POLR3B: variants seen among roughly 807,000 people sequenced by gnomAD.
POLR3B encodes DNA-directed RNA polymerase III subunit RPC2.
Under a neutral mutation model 147.4 loss-of-function variants are expected in POLR3B, and 96 were observed. The observed-to-expected ratio is 0.65, with a 90% confidence interval of 0.55 to 0.77. POLR3B has a LOEUF of 0.77. Among genes scored for constraint, POLR3B ranks in the 30% least tolerant of loss-of-function variants. POLR3B has a pLI of 0.00. For synonymous variants in POLR3B, 461 were observed against 485.9 expected, an observed-to-expected ratio of 0.95 and a Z score of 0.67; for missense variants, 1,036 against 1,413.5, an observed-to-expected ratio of 0.73 and a Z score of 4.28.
In POLR3B at chr12:106,366,498, CTCTT is replaced by C. The variant is rs748769049; in HGVS notation, c.106-14_106-11del. The C allele has an allele frequency of 1.3e-6, 2 of 1,582,736 alleles. No individual in the cohort carries two copies. Among genetic ancestry groups the C allele is most frequent in the Admixed American group, 1.7e-5 (1 of 59,948 alleles). On this transcript the variant is annotated splice_polypyrimidine_tract_variant and intron_variant, in intron 2 of 27. Coordinates refer to ENST00000228347, the MANE Select transcript of POLR3B (RefSeq NM_018082.6). The stretch of plus-strand genomic sequence containing the variant: ...GCACTTTTGCTAACCTGTTTACTTT[CTCTT>C]TCTATCTGTTTAGGTGAAAGGCCTT...
chr12:106,464,345 T>C (rs2037978511), intron 23 of POLR3B, among the ~76,000 whole-genome samples: 1 of 152,234 alleles, frequency 6.6e-6, no homozygotes, highest in African/African-American at 2.4e-5. Context: ...GCACTAACTG[T>C]GTGCCTGGCT....
At chr12:106,398,824 C>A (rs2037018557) in intron 10 of POLR3B, among the ~76,000 whole-genome samples, 1 of 152,126 alleles carries the variant, frequency 6.6e-6, no homozygotes, top group African/African-American at 2.4e-5. Context: ...ACATCAAAAA[C>A]CCATCTGTAC....
chr12:106,494,781 C>T (rs147934763), intron 23 of POLR3B, among the ~76,000 whole-genome samples: 145 of 152,270 alleles, frequency 9.5e-4, no homozygotes, highest in African/African-American at 3.3e-3. Flanking sequence ...TTATAATAAA[C>T]AATACCATTT....
intron 16 of POLR3B, among the ~76,000 whole-genome samples, chr12:106,436,153 CTCT>C (rs1371763475): frequency 1.3e-5 from 2 of 152,312 alleles, no homozygotes; most frequent in South Asian, 2.1e-4. Flanking sequence ...TGTGCAGCTC[CTCT>C]TCTTAACTGT....
chr12:106,394,840 C>T (rs955073320), intron 10 of POLR3B, among the ~76,000 whole-genome samples: 2 of 152,100 alleles, frequency 1.3e-5, no homozygotes, highest in African/African-American at 4.8e-5. Flanking sequence ...ACTCTGTGTG[C>T]AGGATTAAGG....
intron 1 of POLR3B, among the ~76,000 whole-genome samples, chr12:106,361,576 A>G (rs938042192): frequency 1.3e-5 from 2 of 152,142 alleles, no homozygotes; most frequent in Non-Finnish European, 2.9e-5. Context: ...GGAGTCTTTT[A>G]TGTGCCAGGC....
intron 1 of POLR3B, 179 bp downstream of exon 1, chr12:106,358,130 G>C (rs2036415044): frequency 6.8e-7 from 1 of 1,472,412 alleles, no homozygotes; most frequent in African/African-American, 1.5e-5. Context: ...CTCCGCGTGC[G>C]CGAGTGAAGG....
At chr12:106,399,239 G>A (rs1015309323) in intron 10 of POLR3B, among the ~76,000 whole-genome samples, 2 of 152,140 alleles carry the variant, frequency 1.3e-5, no homozygotes, top group Non-Finnish European at 2.9e-5. Context: ...GATGGAAGAC[G>A]AAATGAATGA....
At chr12:106,487,337 A>C (rs1397681151) in intron 23 of POLR3B, among the ~76,000 whole-genome samples, 4 of 152,176 alleles carry the variant, frequency 2.6e-5, no homozygotes, top group Admixed American at 1.3e-4. Flanking sequence ...TTAGTTTTTA[A>C]TCCTGAGATG....
chr12:106,436,633 G>T (rs2037580309), intron 16 of POLR3B, among the ~76,000 whole-genome samples: 1 of 152,198 alleles, frequency 6.6e-6, no homozygotes, highest in Non-Finnish European at 1.5e-5. Context: ...TCCATGAGTA[G>T]TATGCAAAAT....
Position 106,449,155 on chromosome 12 carries a change from TAA to T in POLR3B, c.2083+4566_2083+4567del, listed in dbSNP as rs1458789804. On this transcript the variant is annotated intron_variant, in intron 19 of 27. Coordinates refer to ENST00000228347, the MANE Select transcript of POLR3B (RefSeq NM_018082.6). ...CCCAAGTCTAAACACGAAATCCGTT[TAA>T]GTTTCATATACACTTTATACGCATA... 2.6e-5 allele frequency among the ~76,000 whole-genome samples: 4 copies of T among 152,340 alleles called. No homozygotes were observed. The East Asian group carries it at 7.7e-4, about 29-fold the overall frequency.
intron 10 of POLR3B, among the ~76,000 whole-genome samples, chr12:106,403,884 C>G (rs1275509426): frequency 2.6e-5 from 4 of 151,484 alleles, no homozygotes; most frequent in Non-Finnish European, 4.4e-5. Flanking sequence ...ATGGGTGCAG[C>G]ACACCAACAT....
At chr12:106,436,182 A>G (rs1449423319) in intron 16 of POLR3B, among the ~76,000 whole-genome samples, 1 of 152,176 alleles carries the variant, frequency 6.6e-6, no homozygotes, top group Non-Finnish European at 1.5e-5. Flanking sequence ...AGTGCTCATT[A>G]GTCCTCAAAT....
chr12:106,365,872 A>C (rs1164271710), intron 2 of POLR3B, among the ~76,000 whole-genome samples: 3 of 145,964 alleles, frequency 2.1e-5, no homozygotes, highest in African/African-American at 7.4e-5. Context: ...AAAAAAAAAA[A>C]ATTTTTTTTT....
intron 23 of POLR3B, among the ~76,000 whole-genome samples, chr12:106,484,350 T>A (rs983930586): frequency 1.3e-5 from 2 of 152,152 alleles, no homozygotes; most frequent in African/African-American, 4.8e-5. Flanking sequence ...GTTGATTAAT[T>A]CATCCATTTA....
intron 10 of POLR3B, among the ~76,000 whole-genome samples, chr12:106,393,647 A>T (rs2036944501): frequency 6.6e-6 from 1 of 151,924 alleles, no homozygotes; most frequent in Admixed American, 6.6e-5. Flanking sequence ...TGCTTTGGAC[A>T]GCAAGGAAAA....
chr12:106,402,777 T>C (rs2037087254), intron 10 of POLR3B, among the ~76,000 whole-genome samples: 1 of 152,150 alleles, frequency 6.6e-6, no homozygotes, highest in Admixed American at 6.5e-5. Flanking sequence ...TGAAACTGGA[T>C]CCCTTCCTTA....
chr12:106,477,891 C>CTTTT (rs34915594), intron 23 of POLR3B, among the ~76,000 whole-genome samples: 1,933 of 70,446 alleles, frequency 0.027, 301 homozygotes, highest in East Asian at 0.043. Context: ...GGCTCCTCCC[C>CTTTT]TTTTTTTTTT....
intron 12 of POLR3B, among the ~76,000 whole-genome samples, chr12:106,421,057 T>G (rs1342900488): frequency 6.6e-6 from 1 of 152,222 alleles, no homozygotes; most frequent in Non-Finnish European, 1.5e-5. Flanking sequence ...GTATAATTTC[T>G]CTGCAATTTT....
Sources: allele counts gnomAD v4.1 joint callset (sites outside exome capture counted in the v4.1 genomes callset), GRCh38; gene constraint gnomAD v4.1.1; transcripts MANE v1.5; gene names NCBI Gene and HGNC (gene_info 2026-07-23, HGNC 2026-07-21).